The following EGF variants were observed in gnomAD, a reference collection of about 807,000 sequenced individuals.
The protein encoded by EGF is epidermal growth factor.
Under a neutral mutation model 143.8 loss-of-function variants are expected in EGF, and 95 were observed. That is an observed-to-expected ratio of 0.66 (90% CI 0.56 to 0.78). EGF has a LOEUF of 0.78. Among genes scored for constraint, EGF ranks in the 30% least tolerant of loss-of-function variants. The pLI is 0.00. For missense variants in EGF, 1,320 were observed against 1,470.9 expected (o/e 0.90, Z 1.68); for synonymous variants, 510 against 510.5 (o/e 1.00, Z 0.01).
At chr4:109,957,167 A>G (rs1167916848) in intron 5 of EGF, among the ~76,000 whole-genome samples, 1 of 152,202 alleles carries the variant, frequency 6.6e-6, no homozygotes, top group East Asian at 1.9e-4. Flanking sequence ...ATGGGAGGCA[A>G]CTGATTTAGA....
Position 109,932,360 on chromosome 4 carries a change from C to CATATATATATATATATATATAT in EGF, c.128-8569_128-8568insTATATATATATATATATATATA, listed in dbSNP as rs57424246. Among the ~76,000 whole-genome samples, 128 of 86,968 alleles carry CATATATATATATATATATATAT rather than the reference C, an allele frequency of 1.5e-3. 4 individuals are homozygous for CATATATATATATATATATATAT. The highest frequency in any genetic ancestry group is 3.7e-3 in the African/African-American group (84 of 22,644). 57.1% of individuals were successfully genotyped at this position (86,968 alleles called of 152,430 possible). A position where few individuals can be genotyped will look rare whatever the true frequency, so the allele number is the denominator to read the frequency against. ...TTTACATGAAAACCTCCCATTTAGT[C>CATATATATATATATATATATAT]ATATATATATATATATAAATTTTTT... is the stretch of plus-strand genomic sequence containing the variant. On this transcript the variant is annotated intron_variant, in intron 1 of 23. Coordinates refer to ENST00000265171, the MANE Select transcript of EGF (RefSeq NM_001963.6).
At chr4:109,950,077 C>G (rs368098483) in intron 5 of EGF, among the ~76,000 whole-genome samples, 243 of 152,262 alleles carry the variant, frequency 1.6e-3, no homozygotes, top group African/African-American at 5.7e-3. Flanking sequence ...AGCTCCGGGT[C>G]CTGTAGTGGG....
At chr4:109,990,028 G>C (rs1396569519) in intron 18 of EGF, among the ~76,000 whole-genome samples, 2 of 152,130 alleles carry the variant, frequency 1.3e-5, no homozygotes. Flanking sequence ...ATTATTAAGA[G>C]TAGTTGAGTT....
At chr4:109,952,987 A>T (rs1332394036) in intron 5 of EGF, among the ~76,000 whole-genome samples, 1 of 152,198 alleles carries the variant, frequency 6.6e-6, no homozygotes, top group Non-Finnish European at 1.5e-5. Context: ...CCAGATCATT[A>T]GTCCTATAGA....
intron 13 of EGF, 95 bp downstream of exon 13, chr4:109,976,330 C>A: frequency 1.9e-6 from 2 of 1,073,890 alleles, no homozygotes; most frequent in Non-Finnish European, 2.8e-6. Flanking sequence ...TACCACTTAG[C>A]CGTATGGGTG....
intron 20 of EGF, among the ~76,000 whole-genome samples, chr4:109,995,375 C>T (rs921933136): frequency 4.6e-5 from 7 of 152,178 alleles, no homozygotes; most frequent in Non-Finnish European, 8.8e-5. Flanking sequence ...TCTTCACTTC[C>T]TAACAGTTGA....
chr4:109,999,542 T>G, intron 20 of EGF, 137 bp from the exon 21 acceptor site: 1 of 1,094,636 alleles, frequency 9.1e-7, no homozygotes, highest in South Asian at 1.3e-5. Flanking sequence ...AACTGACCCC[T>G]GATGGATTTT....
intron 21 of EGF, among the ~76,000 whole-genome samples, chr4:110,002,265 G>A (rs1225173568): frequency 1.3e-5 from 2 of 152,162 alleles, no homozygotes. Context: ...GGCCAAGACA[G>A]GCAGATTGCT....
rs749820277 is a variant in EGF at position 109,980,855 on chromosome 4, G to T, written c.2251G>T (p.Gly751Cys). The change falls in exon 15 of 24, where the codon GGC (glycine) becomes TGC (cysteine). Residue 751 changes from glycine (G) to cysteine (C), a missense_variant. Physicochemically the swap from Gly to Cys is radical, Grantham distance 159. Around this residue, in one of 5 missense-constraint regions of EGF, gnomAD observed 1,186 missense variants for 1,313.7 expected, o/e 0.90. Coordinates refer to ENST00000265171, the MANE Select transcript of EGF (RefSeq NM_001963.6). ...GADPCLYQNG[G>C]CEHICKKRLG... is the part of the protein sequence containing the mutation. ...AGATCCCTGCTTATATCAAAACGGA[G>T]GCTGTGAACATATTTGCAAAAAGAG... is the stretch of plus-strand genomic sequence containing the variant. 7 of 1,614,072 alleles carry T rather than the reference G, an allele frequency of 4.3e-6. No homozygotes were observed. The highest frequency in any genetic ancestry group is 5.9e-6 in the Non-Finnish European group (7 of 1,179,970).
intron 1 of EGF, among the ~76,000 whole-genome samples, chr4:109,938,418 C>T (rs1455719959): frequency 2.6e-5 from 4 of 152,204 alleles, no homozygotes; most frequent in African/African-American, 9.7e-5. Flanking sequence ...ATTTGTCTCA[C>T]CTTTTTTCAA....
At chr4:109,973,603 G>A (rs141334669) in intron 11 of EGF, among the ~76,000 whole-genome samples, 19 of 143,498 alleles carry the variant, frequency 1.3e-4, no homozygotes, top group Admixed American at 2.8e-4. Flanking sequence ...TACTTCCCCC[G>A]ACCTCTCCTC....
chr4:109,939,018 A>C (rs1368647936), intron 1 of EGF, among the ~76,000 whole-genome samples: 1 of 152,192 alleles, frequency 6.6e-6, no homozygotes, highest in Admixed American at 6.5e-5. Flanking sequence ...AATGGATCTC[A>C]AACGCTGTGC....
chr4:109,934,032 CCCA>C (rs1292832712), intron 1 of EGF, among the ~76,000 whole-genome samples: 1 of 152,190 alleles, frequency 6.6e-6, no homozygotes, highest in Non-Finnish European at 1.5e-5. Flanking sequence ...AATTTACACT[CCCA>C]CCAACAGTGT....
intron 21 of EGF, among the ~76,000 whole-genome samples, chr4:110,000,194 T>A (rs930218853): frequency 1.4e-5 from 2 of 140,952 alleles, no homozygotes; most frequent in Non-Finnish European, 3.0e-5. Flanking sequence ...GGGGTTGCAG[T>A]GAGCCAAGAT....
chr4:109,918,914 CA>C (rs1343798165), intron 1 of EGF, among the ~76,000 whole-genome samples: 1 of 152,088 alleles, frequency 6.6e-6, no homozygotes, highest in Admixed American at 6.5e-5. Context: ...AGTCTTCCAC[CA>C]CATGAGCGAA....
intron 4 of EGF, 137 bp downstream of exon 4, chr4:109,944,206 G>A (rs1009413093): frequency 1.3e-5 from 12 of 933,552 alleles, no homozygotes; most frequent in Admixed American, 2.1e-5. Context: ...GAGTTTGGCC[G>A]GGCGCGGCGG....
At chr4:109,959,116 G>A in intron 5 of EGF, 196 bp from the exon 6 acceptor site, 1 of 717,248 alleles carries the variant, frequency 1.4e-6, no homozygotes, top group East Asian at 3.0e-5. Context: ...GAGAGGTTTT[G>A]GAGAAGTAAT....
intron 5 of EGF, among the ~76,000 whole-genome samples, chr4:109,952,709 C>A (rs1054550525): frequency 2.6e-5 from 4 of 152,110 alleles, no homozygotes; most frequent in Non-Finnish European, 5.9e-5. Context: ...TAGTTATTGA[C>A]ATTTTCTTAG....
At chr4:109,949,086 A>T (rs1052624651) in intron 5 of EGF, among the ~76,000 whole-genome samples, 22 of 151,188 alleles carry the variant, frequency 1.5e-4, no homozygotes, top group African/African-American at 5.4e-4. Context: ...TTTTTTTTTG[A>T]GATGGAGTCT....
Sources: allele counts gnomAD v4.1 joint callset (sites outside exome capture counted in the v4.1 genomes callset), GRCh38; gene constraint gnomAD v4.1.1; regional missense constraint gnomAD v4.1.1; transcripts MANE v1.5; gene names NCBI Gene and HGNC (gene_info 2026-07-23, HGNC 2026-07-21).